LYPLA1: variants seen among roughly 807,000 people sequenced by gnomAD.
LYPLA1 encodes lysophospholipase 1.
Under a neutral mutation model 34.0 loss-of-function variants are expected in LYPLA1, and 17 were observed. The ratio of observed to expected loss-of-function variants is 0.50; its 90% CI spans 0.34 to 0.75. LYPLA1 has a LOEUF of 0.75. LYPLA1 is among the 30% of genes least tolerant of loss of function. The pLI, the probability that LYPLA1 is intolerant of heterozygous loss-of-function variation, is 0.01. For synonymous variants in LYPLA1, 98 were observed against 100.8 expected (o/e 0.97, Z 0.17); for missense variants, 203 against 288.8 (o/e 0.70, Z 2.15).
intron 2 of LYPLA1, among the ~76,000 whole-genome samples, chr8:54,097,334 C>T (rs1342288006): frequency 3.3e-5 from 5 of 152,246 alleles, no homozygotes; most frequent in African/African-American, 9.6e-5. Flanking sequence ...TGAGTAAATA[C>T]ACAAACCCAA....
At chr8:54,081,917 A>G (rs1808353694) in intron 2 of LYPLA1, among the ~76,000 whole-genome samples, 1 of 151,848 alleles carries the variant, frequency 6.6e-6, no homozygotes, top group African/African-American at 2.4e-5. Flanking sequence ...TTTAGTAGAG[A>G]TGGGGTTTCG....
At chr8:54,098,271 T>C (rs931548736) in intron 2 of LYPLA1, among the ~76,000 whole-genome samples, 1 of 151,628 alleles carries the variant, frequency 6.6e-6, no homozygotes, top group African/African-American at 2.4e-5. Flanking sequence ...ATAACCCAGA[T>C]GGCTACCAAG....
intron 6 of LYPLA1, 83 bp from the exon 7 acceptor site, chr8:54,052,839 C>A: frequency 1.2e-6 from 1 of 843,082 alleles, no homozygotes; most frequent in South Asian, 1.6e-5. Flanking sequence ...CTAATGATAT[C>A]CATAAAAAAA....
intron 6 of LYPLA1, chr8:54,053,739 A>C (rs1327965238): frequency 2.2e-6 from 1 of 456,174 alleles, no homozygotes; most frequent in African/African-American, 2.0e-5. Context: ...TTGTTTATGG[A>C]AAGGTAAATG....
chr8:54,074,293 T>C (rs1586131097), intron 2 of LYPLA1, among the ~76,000 whole-genome samples: 1 of 152,296 alleles, frequency 6.6e-6, no homozygotes, highest in East Asian at 1.9e-4. Flanking sequence ...AGACTGTTTC[T>C]TTACCATCCC....
intron 2 of LYPLA1, among the ~76,000 whole-genome samples, chr8:54,098,899 G>A (rs1169702774): frequency 1.3e-5 from 2 of 151,732 alleles, no homozygotes; most frequent in African/African-American, 4.8e-5. Context: ...TGCACTCATG[G>A]AACCAATCTA....
intron 2 of LYPLA1, among the ~76,000 whole-genome samples, chr8:54,069,657 C>A (rs1230174094): frequency 2.0e-5 from 3 of 151,518 alleles, no homozygotes; most frequent in Non-Finnish European, 4.4e-5. Context: ...TTGCAATGAG[C>A]TGAGATTGTG....
At chr8:54,101,284 G>T (rs1810122443) in intron 1 of LYPLA1, 5 of 1,012,794 alleles carry the variant, frequency 4.9e-6, no homozygotes, top group Non-Finnish European at 6.0e-6. Context: ...GCAAAAGCAA[G>T]CTTCCGGAGG....
In LYPLA1 at chr8:54,055,153, TAGTC is replaced by T. The variant is rs762620981; in HGVS notation, c.287-24_287-21del. The stretch of plus-strand genomic sequence containing the variant: ...CTTTTACTAAAAACAACATGAAAGT[TAGTC>T]AGCAATACTTTCAGAGTTAAGCCCA... On this transcript the variant is annotated intron_variant, in intron 5 of 8. Transcript: ENST00000316963. The T allele has an allele frequency of 7.0e-7, 1 of 1,420,578 alleles. No homozygotes were observed. 88.0% of individuals were successfully genotyped at this position (1,420,578 alleles called of 1,614,324 possible). A position where few individuals can be genotyped will look rare whatever the true frequency, so the allele number is the denominator to read the frequency against.
chr8:54,085,729 C>A (rs902871867), intron 2 of LYPLA1, among the ~76,000 whole-genome samples: 11 of 150,780 alleles, frequency 7.3e-5, no homozygotes, highest in Non-Finnish European at 1.0e-4. Flanking sequence ...AAGTGAGGAG[C>A]CCCTCCGCCC....
chr8:54,095,925 A>G (rs534877155), intron 2 of LYPLA1, among the ~76,000 whole-genome samples: 2 of 152,344 alleles, frequency 1.3e-5, no homozygotes, highest in South Asian at 4.1e-4. Context: ...TTCAGAATAA[A>G]GAAAACTAAA....
intron 2 of LYPLA1, among the ~76,000 whole-genome samples, chr8:54,085,461 G>A (rs986948200): frequency 6.6e-6 from 1 of 151,990 alleles, no homozygotes; most frequent in Non-Finnish European, 1.5e-5. Context: ...TCTGGGATGT[G>A]AGGAGCCCCT....
At position 54,046,557 on chromosome 8, in the gene LYPLA1, G is replaced by T. The variant is rs1162320934; in HGVS notation, c.*1508C>A. The T allele has an allele frequency of 6.6e-6, 1 of 152,540 alleles. No individual in the cohort carries two copies. The highest frequency in any genetic ancestry group is 1.5e-5 in the Non-Finnish European group (1 of 67,998). 9.4% of individuals were successfully genotyped at this position (152,540 alleles called of 1,614,324 possible). On this transcript the variant is annotated 3_prime_UTR_variant, in exon 9 of 9. Coordinates refer to ENST00000316963, the MANE Select transcript of LYPLA1 (RefSeq NM_006330.4). ...AAGAAAAATGACATAGTAAATGATT[G>T]TTTAAAATTTTTAAATCCAGACATA...
At chr8:54,072,377 T>C (rs1298071621) in intron 2 of LYPLA1, among the ~76,000 whole-genome samples, 1 of 152,064 alleles carries the variant, frequency 6.6e-6, no homozygotes, top group Non-Finnish European at 1.5e-5. Flanking sequence ...AAAACAAAAA[T>C]TGACAAATGA....
intron 1 of LYPLA1, among the ~76,000 whole-genome samples, chr8:54,101,150 G>GC (rs1487875366): frequency 2.0e-5 from 3 of 151,222 alleles, no homozygotes; most frequent in Non-Finnish European, 2.9e-5. Flanking sequence ...ATGAATGGGG[G>GC]GGGGGTAGCA....
chr8:54,073,207 C>A, intron 2 of LYPLA1: 1 of 787,468 alleles, frequency 1.3e-6, no homozygotes, highest in Non-Finnish European at 2.3e-6. Context: ...CCAACTTGTG[C>A]CGCCCAGGGA....
chr8:54,054,985 A>G, intron 6 of LYPLA1, 75 bp downstream of exon 6: 3 of 875,182 alleles, frequency 3.4e-6, no homozygotes, highest in Non-Finnish European at 1.9e-6. Context: ...AGACTACTCT[A>G]TAGAAAGGAT....
At chr8:54,053,338 C>G (rs1192556191) in intron 6 of LYPLA1, 1 of 259,672 alleles carries the variant, frequency 3.9e-6, no homozygotes, top group African/African-American at 2.2e-5. Flanking sequence ...AGGTGATCCA[C>G]GCGCCTCAGC....
At position 54,065,809 on chromosome 8, in the gene LYPLA1, C is replaced by T. The variant is rs756942341; in HGVS notation, c.106G>A (p.Gly36Arg). ...FLHGLGDTGHGWAEAFAGIRS... is the reference protein window; with the variant it reads ...FLHGLGDTGHRWAEAFAGIRS... Reference sequence around the variant, plus strand: ...ATACCTGCAAAGGCTTCTGCCCATCCGTGCCTGGTGGAAAAATCATTGAAT... The same window carrying T: ...ATACCTGCAAAGGCTTCTGCCCATCTGTGCCTGGTGGAAAAATCATTGAAT... Residue 36 changes from glycine (G) to arginine (R), a missense_variant, in exon 3 of 9, where the codon GGA (glycine) becomes AGA (arginine). This residue lies in a region of LYPLA1 where 75 missense variants were observed against 73.5 expected (regional missense o/e 1.02). Coordinates refer to ENST00000316963, the MANE Select transcript of LYPLA1 (RefSeq NM_006330.4). The T allele has an allele frequency of 6.8e-6, 11 of 1,613,184 alleles. No homozygotes were observed. Among genetic ancestry groups the T allele is most frequent in the Admixed American group, 1.7e-5 (1 of 60,008 alleles).
Sources: allele counts gnomAD v4.1 joint callset (sites outside exome capture counted in the v4.1 genomes callset), GRCh38; gene constraint gnomAD v4.1.1; regional missense constraint gnomAD v4.1.1; transcripts MANE v1.5; gene names NCBI Gene and HGNC (gene_info 2026-07-23, HGNC 2026-07-21).